Variants in FER1L5 observed in about 807,000 individuals in gnomAD.
FER1L5 encodes fer-1 like family member 5.
FER1L5 carries 187 observed loss-of-function variants against 279.9 expected under a neutral mutation model. The ratio of observed to expected loss-of-function variants is 0.67; its 90% CI spans 0.59 to 0.75. The LOEUF (loss-of-function observed/expected upper bound fraction) is 0.75, where lower values mean the gene tolerates loss of function less well. FER1L5 is among the 30% of genes least tolerant of loss of function. The probability of loss-of-function intolerance (pLI) is 0.00; values close to 1 mark genes in which losing one functional copy is unlikely to be tolerated. For synonymous variants in FER1L5, 921 were observed against 989.7 expected (o/e 0.93, Z 1.30); for missense variants, 2,091 against 2,594.4 (o/e 0.81, Z 4.21).
chr2:96,672,122 A>G (rs2076349799), intron 18 of FER1L5, among the ~76,000 whole-genome samples: 1 of 152,226 alleles, frequency 6.6e-6, no homozygotes, highest in Non-Finnish European at 1.5e-5. Flanking sequence ...CTTGTTGCCC[A>G]GGCTGGAGTG....
chr2:96,647,725 A>G lies in FER1L5; in HGVS notation c.231-53A>G, dbSNP rs954228627. 5 of 1,310,122 alleles carry G rather than the reference A, an allele frequency of 3.8e-6. No homozygotes were observed. In the African/African-American group the frequency reaches 5.9e-5, roughly 15 times the overall value. 81.2% of individuals were successfully genotyped at this position (1,310,122 alleles called of 1,614,324 possible). On this transcript the variant is annotated intron_variant, in intron 3 of 52. Transcript: ENST00000624922. ...GCTAAAGCCCTGCCCGGGAGAGAAG[A>G]GGACACTCTTTCCCCTGGCTCAGGA...
Position 96,694,425 on chromosome 2 carries a change from C to A in FER1L5, c.3702C>A (p.Pro1234=). Reference sequence around the variant, plus strand: ...GGAAGAATGGGGCATACACACTCCCCAAGAGCATCCAGCCCACGATAAAGA... The same window carrying A: ...GGAAGAATGGGGCATACACACTCCCAAAGAGCATCCAGCCCACGATAAAGA... The part of the protein sequence containing the change: ...VPWKNGAYTL[P]KSIQPTIKRM... The change falls in exon 34 of 53, where the codon CCC becomes CCA. Residue 1234 remains proline (P), a synonymous_variant. Transcript: ENST00000624922. This position sits in a 1 kb window ranked among gnomAD's most constrained non-coding sequence, Gnocchi z 4.6. 1 of 1,549,628 alleles carries A rather than the reference C, an allele frequency of 6.5e-7. No homozygotes were observed. The highest frequency in any genetic ancestry group is 1.2e-5 in the South Asian group (1 of 83,594).
rs780727199 is a variant in FER1L5 at position 96,651,848 on chromosome 2, A to C, written c.505-44A>C. On this transcript the variant is annotated intron_variant, in intron 6 of 52. Coordinates refer to ENST00000624922, the MANE Select transcript of FER1L5 (RefSeq NM_001293083.2). ...TTATCAGAACAATGTTGTCCCAGCTACAGAAGGCCCTCAATATCAGCTCCC... is the reference window on the plus strand; with the variant it reads ...TTATCAGAACAATGTTGTCCCAGCTCCAGAAGGCCCTCAATATCAGCTCCC... 1.3e-4 allele frequency: 194 copies of C among 1,551,312 alleles called. 3 individuals are homozygous for C. The South Asian group carries it at 2.2e-3, about 17-fold the overall frequency.
chr2:96,694,589 T>G lies in FER1L5; in HGVS notation c.3741+125T>G, dbSNP rs1409336170. ...AGCTCACACCCCGAAAAAGACTACC[T>G]GGGAGGTGGAGGGAGACAGGAGAGA... On this transcript the variant is annotated intron_variant, in intron 34 of 52. Transcript: ENST00000624922. This position sits in a 1 kb window ranked among gnomAD's most constrained non-coding sequence, Gnocchi z 4.6. 1.5e-5 allele frequency: 11 copies of G among 711,916 alleles called. No individual in the cohort carries two copies. In the African/African-American group the frequency reaches 2.0e-4, roughly 13 times the overall value. 44.1% of individuals were successfully genotyped at this position (711,916 alleles called of 1,614,324 possible). A position where few individuals can be genotyped will look rare whatever the true frequency, so the allele number is the denominator to read the frequency against.
chr2:96,685,391 G>C lies in FER1L5; in HGVS notation c.1857G>C (p.Gln619His). The change falls in exon 21 of 53, where the codon CAG (glutamine) becomes CAC (histidine). Residue 619 changes from glutamine (Q) to histidine (H), a missense_variant. By Grantham distance (24) the Gln-to-His change is conservative (BLOSUM62 0). Transcript: ENST00000624922. ...CGAAGGATCCAGCTCTCCTCTACCA[G>C]TGGGAGAAACTGCTGAGGGAGCTGG... ...RNPKDPALLY[Q>H]WEKLLRELAE... The C allele has an allele frequency of 6.4e-7, 1 of 1,551,280 alleles. No homozygotes were observed. Among genetic ancestry groups the C allele is most frequent in the South Asian group, 1.2e-5 (1 of 84,032 alleles).
At chr2:96,650,701 T>C (rs543223717) in intron 6 of FER1L5, among the ~76,000 whole-genome samples, 2 of 152,322 alleles carry the variant, frequency 1.3e-5, no homozygotes, top group African/African-American at 4.8e-5. Context: ...CACATTTCCA[T>C]GTGAATTCAG....
chr2:96,687,158 C>G (rs993090475), intron 23 of FER1L5, among the ~76,000 whole-genome samples: 1 of 152,206 alleles, frequency 6.6e-6, no homozygotes, highest in Non-Finnish European at 1.5e-5. Context: ...TGGCTCCCCA[C>G]TGCCTCCTGG....
intron 7 of FER1L5, chr2:96,652,611 C>T: frequency 6.3e-6 from 1 of 158,112 alleles, no homozygotes; most frequent in Non-Finnish European, 1.4e-5. Context: ...TGGAACCAAG[C>T]AAGCCGCAGA....
chr2:96,664,270 A>G (rs2076053164), intron 14 of FER1L5, among the ~76,000 whole-genome samples: 2 of 152,182 alleles, frequency 1.3e-5, no homozygotes, highest in African/African-American at 2.4e-5. Flanking sequence ...CCATCATACA[A>G]TCAACATAAT....
intron 31 of FER1L5, 76 bp downstream of exon 31, chr2:96,692,257 G>A: frequency 6.8e-7 from 1 of 1,478,304 alleles, no homozygotes; most frequent in Non-Finnish European, 9.2e-7. Flanking sequence ...TCCTGCAGCA[G>A]CCAAGGCAGC....
intron 3 of FER1L5, 63 bp downstream of exon 3, chr2:96,647,218 C>T (rs1481815127): frequency 6.7e-7 from 1 of 1,481,696 alleles, no homozygotes; most frequent in African/African-American, 1.4e-5. Context: ...GTTATGTGAT[C>T]CTTGTCTCTA....
Position 96,659,016 on chromosome 2 carries a change from G to A in FER1L5, c.748-1325G>A, listed in dbSNP as rs185441974. ...GCTGGAGTGCAGTGGTGTGATCTCC[G>A]CTCACTGCAAGCTCCACCCCCTGGG... On this transcript the variant is annotated intron_variant, in intron 9 of 52. Transcript: ENST00000624922. 5.9e-3 allele frequency among the ~76,000 whole-genome samples: 897 copies of A among 151,918 alleles called. 8 individuals carry two copies. The highest frequency in any genetic ancestry group is 0.01 in the Non-Finnish European group (703 of 67,962).
chr2:96,673,816 C>T (rs116241992), intron 19 of FER1L5, among the ~76,000 whole-genome samples: 3,132 of 152,294 alleles, frequency 0.021, 46 homozygotes, highest in Non-Finnish European at 0.035. Context: ...CCTAGAGAAT[C>T]CAATAACCTG....
At chr2:96,661,519 G>A in intron 11 of FER1L5, 79 bp downstream of exon 11, 1 of 1,506,560 alleles carries the variant, frequency 6.6e-7, no homozygotes, top group South Asian at 1.2e-5. Flanking sequence ...CCTGGATATT[G>A]ACCATCACAT....
In FER1L5 at chr2:96,702,240, T is replaced by C. The variant is rs1364124330; in HGVS notation, c.5160-66T>C. 1 of 1,579,816 alleles carries C rather than the reference T, an allele frequency of 6.3e-7. No homozygotes were observed. The highest frequency in any genetic ancestry group is 1.1e-5 in the South Asian group (1 of 87,044). On this transcript the variant is annotated intron_variant, in intron 46 of 52. Coordinates refer to ENST00000624922, the MANE Select transcript of FER1L5 (RefSeq NM_001293083.2). The surrounding 1 kb of genome is among the most constrained non-coding windows in gnomAD (Gnocchi z 4.0). ...CACAGGGCAGCCTCCCAGGCTTCTCTGCCCTCACTGAGGCTGCAGCTGGGG... is the reference window on the plus strand; with the variant it reads ...CACAGGGCAGCCTCCCAGGCTTCTCCGCCCTCACTGAGGCTGCAGCTGGGG...
intron 4 of FER1L5, among the ~76,000 whole-genome samples, chr2:96,648,611 G>A (rs1426145292): frequency 3.3e-5 from 5 of 152,224 alleles, no homozygotes; most frequent in African/African-American, 1.2e-4. Context: ...GCCATTTGGA[G>A]CTGATTGTTA....
intron 18 of FER1L5, 97 bp from the exon 19 acceptor site, chr2:96,672,979 CT>C: frequency 7.1e-7 from 1 of 1,418,264 alleles, no homozygotes; most frequent in Non-Finnish European, 9.5e-7. Context: ...GGGAAGATGG[CT>C]TTGAAAGAAA....
At position 96,661,674 on chromosome 2, in the gene FER1L5, C is replaced by G. The variant is rs1357511669; in HGVS notation, c.901C>G (p.Gln301Glu). 1.3e-6 allele frequency: 2 copies of G among 1,551,726 alleles called. No homozygotes were observed. Among genetic ancestry groups the G allele is most frequent in the South Asian group, 2.4e-5 (2 of 84,058 alleles). Residue 301 changes from glutamine (Q) to glutamate (E), a missense_variant, in exon 12 of 53, where the codon CAA becomes GAA. Transcript: ENST00000624922. ...LGVGDQALID[Q>E]KLLYGTDDTD... ...AGCTCTCTGGTCTCTCCAGATAGATCAAAAGCTGCTCTATGGCACCGATGA... is the reference window on the plus strand; with the variant it reads ...AGCTCTCTGGTCTCTCCAGATAGATGAAAAGCTGCTCTATGGCACCGATGA...
chr2:96,645,916 AAAG>A (rs775552198), intron 1 of FER1L5, among the ~76,000 whole-genome samples: 21 of 152,336 alleles, frequency 1.4e-4, no homozygotes, highest in Non-Finnish European at 3.1e-4. Flanking sequence ...CACAAGAAAA[AAAG>A]AAGTGATGCC....
Sources: allele counts gnomAD v4.1 joint callset (sites outside exome capture counted in the v4.1 genomes callset), GRCh38; gene constraint gnomAD v4.1.1; non-coding constraint Gnocchi (gnomAD v3.1); transcripts MANE v1.5; gene names NCBI Gene and HGNC (gene_info 2026-07-23, HGNC 2026-07-21).